The following SCIN variants were observed in gnomAD, a reference collection of about 807,000 sequenced individuals.
SCIN encodes scinderin.
In SCIN, 91 loss-of-function variants were observed where a neutral mutation model predicts 91.8. That is an observed-to-expected ratio of 0.99 (90% CI 0.84 to 1.18). SCIN has a LOEUF of 1.18. Ranked by LOEUF, SCIN falls within the 50% of genes most tolerant of loss-of-function variation. The pLI is 0.00. For synonymous variants in SCIN, 367 were observed against 312.6 expected, an observed-to-expected ratio of 1.17 and a Z score of -1.84; for missense variants, 1,087 against 863.9, an observed-to-expected ratio of 1.26 and a Z score of -3.24.
At chr7:12,619,735 G>A (rs1178769246) in intron 4 of SCIN, among the ~76,000 whole-genome samples, 2 of 152,048 alleles carry the variant, frequency 1.3e-5, no homozygotes, top group South Asian at 2.1e-4. Flanking sequence ...ATAAGGCAGG[G>A]TAGATGACAT....
intron 3 of SCIN, among the ~76,000 whole-genome samples, chr7:12,593,583 C>T (rs187701917): frequency 3.7e-4 from 57 of 152,128 alleles, no homozygotes; most frequent in African/African-American, 1.1e-3. Context: ...AGGGTCGATG[C>T]GGGTATATTT....
At position 12,653,412 on chromosome 7, in the gene SCIN, T is replaced by C. The variant is rs1465241379; in HGVS notation, c.*697T>C. ...AAAAGTTGTAATGCCTTGGAAGTTATTCTCTTTTCTATAGATTGTGTTCAA... is the reference window on the plus strand; with the variant it reads ...AAAAGTTGTAATGCCTTGGAAGTTACTCTCTTTTCTATAGATTGTGTTCAA... On this transcript the variant is annotated 3_prime_UTR_variant, in exon 16 of 16. Coordinates refer to ENST00000297029, the MANE Select transcript of SCIN (RefSeq NM_001112706.3). This position sits in a 1 kb window ranked among gnomAD's most constrained non-coding sequence, Gnocchi z 4.1. 3 of 152,200 alleles carry C rather than the reference T, an allele frequency of 2.0e-5. No individual in the cohort carries two copies. The allele number at this position is 152,200 out of a possible 1,614,324, so 9.4% of individuals were successfully genotyped here.
At chr7:12,648,864 G>A (rs763893431) in intron 13 of SCIN, among the ~76,000 whole-genome samples, 7 of 152,104 alleles carry the variant, frequency 4.6e-5, no homozygotes, top group African/African-American at 7.2e-5. Context: ...CCCAGAAAAC[G>A]CTGACTCCAA....
In SCIN at chr7:12,626,652, A is replaced by G. The variant is rs748612593; in HGVS notation, c.1050A>G (p.Lys350=). 6.4e-7 allele frequency: 1 copy of G among 1,557,556 alleles called. No individual in the cohort carries two copies. The highest frequency in any genetic ancestry group is 8.7e-7 in the Non-Finnish European group (1 of 1,150,090). Residue 350 remains lysine (K), a synonymous_variant, in exon 8 of 16, where the codon AAA becomes AAG. Transcript: ENST00000297029. ...AGTTTTTTAAGGACTGGAGAGATAA[A>G]GATCAGAGTGATGGCTTCGGGAAAG... ...FKQFFKDWRD[K]DQSDGFGKVY... is the part of the protein sequence containing the mutation.
At chr7:12,599,086 C>T (rs1024901382) in intron 3 of SCIN, among the ~76,000 whole-genome samples, 1 of 152,026 alleles carries the variant, frequency 6.6e-6, no homozygotes, top group African/African-American at 2.4e-5. Context: ...TAAATAGTGG[C>T]ATAAAATAAG....
intron 3 of SCIN, among the ~76,000 whole-genome samples, chr7:12,593,109 A>G (rs545446554): frequency 6.6e-6 from 1 of 152,334 alleles, no homozygotes; most frequent in East Asian, 1.9e-4. Flanking sequence ...CTGCTGGCAG[A>G]CTAGGCAAGG....
In SCIN at chr7:12,658,426, A is replaced by T. The variant is rs1000266758; in HGVS notation, c.*5711A>T. On this transcript the variant is annotated 3_prime_UTR_variant, in exon 16 of 16. Coordinates refer to ENST00000297029, the MANE Select transcript of SCIN (RefSeq NM_001112706.3). ...ACACACCAAAGATGCTATGTAGGTG[A>T]AAATCTCTCCTAATGCATTCCCTTT... 6.6e-6 allele frequency: 1 copy of T among 152,202 alleles called. No individual in the cohort carries two copies. Among genetic ancestry groups the T allele is most frequent in the Non-Finnish European group, 1.5e-5 (1 of 68,040 alleles). 9.4% of individuals were successfully genotyped at this position (152,202 alleles called of 1,614,324 possible).
At chr7:12,614,371 C>T (rs114912700) in intron 4 of SCIN, among the ~76,000 whole-genome samples, 1,667 of 152,282 alleles carry the variant, frequency 0.011, 36 homozygotes, top group African/African-American at 0.037. Flanking sequence ...CCCTGACAAA[C>T]ATTCAGTGCT....
intron 3 of SCIN, among the ~76,000 whole-genome samples, chr7:12,585,388 A>C (rs1782566772): frequency 6.6e-6 from 1 of 152,030 alleles, no homozygotes; most frequent in African/African-American, 2.4e-5. Context: ...GTGCTTTTTT[A>C]AAGGATTTTA....
intron 3 of SCIN, among the ~76,000 whole-genome samples, chr7:12,582,404 G>A (rs1782505913): frequency 6.6e-6 from 1 of 152,156 alleles, no homozygotes; most frequent in Admixed American, 6.6e-5. Context: ...GTTATACATT[G>A]TTTAGAAAAT....
At chr7:12,627,422 C>G (rs1365967522) in intron 8 of SCIN, among the ~76,000 whole-genome samples, 2 of 152,142 alleles carry the variant, frequency 1.3e-5, no homozygotes, top group African/African-American at 4.8e-5. Context: ...TGCTCAACCT[C>G]TAGCGATACT....
At chr7:12,616,508 T>G (rs1281827676) in intron 4 of SCIN, among the ~76,000 whole-genome samples, 1 of 152,166 alleles carries the variant, frequency 6.6e-6, no homozygotes, top group Non-Finnish European at 1.5e-5. Context: ...TAAATTTATT[T>G]TCTTTATAGA....
At chr7:12,595,775 C>T (rs1322708236) in intron 3 of SCIN, 8 of 152,114 alleles carry the variant, frequency 5.3e-5, no homozygotes, top group Admixed American at 5.2e-4. Context: ...CTTAAGACTC[C>T]TTCCCTCCAG....
At chr7:12,591,526 T>G (rs1248504158) in intron 3 of SCIN, among the ~76,000 whole-genome samples, 3 of 152,122 alleles carry the variant, frequency 2.0e-5, no homozygotes, top group African/African-American at 7.2e-5. Flanking sequence ...TTCCTCAGCT[T>G]TCAGCAGTAT....
At chr7:12,636,643 C>T (rs2115288275) in intron 10 of SCIN, among the ~76,000 whole-genome samples, 1 of 152,252 alleles carries the variant, frequency 6.6e-6, no homozygotes, top group African/African-American at 2.4e-5. Flanking sequence ...CTAGCGTAAT[C>T]ACCAGGGTCC....
chr7:12,603,865 C>T (rs1040225874), intron 3 of SCIN, among the ~76,000 whole-genome samples: 1 of 151,550 alleles, frequency 6.6e-6, no homozygotes, highest in African/African-American at 2.4e-5. Flanking sequence ...TTTCCAAGGC[C>T]TCACCAATAT....
chr7:12,640,655 TA>T, intron 11 of SCIN, 138 bp downstream of exon 11: 1 of 770,756 alleles, frequency 1.3e-6, no homozygotes, highest in Non-Finnish European at 1.8e-6. Flanking sequence ...TTCAAAATTT[TA>T]AAAACATTTA....
intron 14 of SCIN, among the ~76,000 whole-genome samples, chr7:12,650,815 G>A (rs901008877): frequency 2.0e-5 from 3 of 152,058 alleles, no homozygotes; most frequent in African/African-American, 7.2e-5. Context: ...TATAGGGAGG[G>A]CAAGCTACTA....
chr7:12,620,591 A>G (rs1249351296), intron 4 of SCIN, among the ~76,000 whole-genome samples: 1 of 152,136 alleles, frequency 6.6e-6, no homozygotes, highest in African/African-American at 2.4e-5. Flanking sequence ...CCTTGCAGCC[A>G]GTGTCCAGGA....
Sources: allele counts gnomAD v4.1 joint callset (sites outside exome capture counted in the v4.1 genomes callset), GRCh38; gene constraint gnomAD v4.1.1; non-coding constraint Gnocchi (gnomAD v3.1); transcripts MANE v1.5; gene names NCBI Gene and HGNC (gene_info 2026-07-23, HGNC 2026-07-21).